The following PRKN variants were observed in gnomAD, a reference collection of about 807,000 sequenced individuals.
PRKN encodes the protein parkin RBR E3 ubiquitin protein ligase, also known as E3 ubiquitin-protein ligase parkin.
In PRKN, 56 loss-of-function variants were observed where a neutral mutation model predicts 59.5. The ratio of observed to expected loss-of-function variants is 0.94; its 90% CI spans 0.76 to 1.18. The LOEUF is 1.18. PRKN is among the 50% of genes most tolerant of loss of function. PRKN has a pLI of 0.00. For synonymous variants in PRKN, 250 were observed against 222.1 expected (o/e 1.13, Z -1.12); for missense variants, 657 against 596.4 (o/e 1.10, Z -1.06).
At chr6:162,305,701 T>A (rs372378382) in intron 2 of PRKN, among the ~76,000 whole-genome samples, 1 of 152,192 alleles carries the variant, frequency 6.6e-6, no homozygotes, top group Non-Finnish European at 1.5e-5. Flanking sequence ...CTAGTGTCTC[T>A]GTGTCACTAG....
intron 2 of PRKN, among the ~76,000 whole-genome samples, chr6:162,395,930 G>T (rs534698924): frequency 2.0e-5 from 3 of 152,188 alleles, no homozygotes; most frequent in Non-Finnish European, 2.9e-5. Context: ...CTAAGTTGTA[G>T]AACTCAGGCA....
Position 161,460,202 on chromosome 6 carries a change from C to T in PRKN, c.1084-73325G>A, listed in dbSNP as rs560998880. Among the ~76,000 whole-genome samples, 20 of 152,152 alleles carry T rather than the reference C, an allele frequency of 1.3e-4. No homozygotes were observed. In the South Asian group the frequency reaches 1.5e-3, roughly 11 times the overall value. Reference sequence around the variant, plus strand: ...CAAAGTTTATAATAGGAATATAATCCGTGTTATTTTAGGATGTCACAGAGG... The same window carrying T: ...CAAAGTTTATAATAGGAATATAATCTGTGTTATTTTAGGATGTCACAGAGG... On this transcript the variant is annotated intron_variant, in intron 9 of 11. Transcript: ENST00000366898. The surrounding 1 kb of genome is among the most constrained non-coding windows in gnomAD (Gnocchi z 5.0).
rs374030141 is a variant in PRKN at position 162,166,035 on chromosome 6, G to A, written c.534+35096C>T. On this transcript the variant is annotated intron_variant, in intron 4 of 11. Transcript: ENST00000366898. The stretch of plus-strand genomic sequence containing the variant: ...TGCACTCCAGCCTGGGCAACAGAGC[G>A]AGACTCTATCTCAAAAAAAAAAAAA... 1.2e-4 allele frequency among the ~76,000 whole-genome samples: 14 copies of A among 113,438 alleles called. No individual in the cohort carries two copies. The East Asian group carries it at 1.7e-3, about 14-fold the overall frequency. 74.4% of individuals were successfully genotyped at this position (113,438 alleles called of 152,430 possible).
intron 6 of PRKN, among the ~76,000 whole-genome samples, chr6:161,789,029 T>C (rs972149606): frequency 9.9e-5 from 15 of 152,200 alleles, no homozygotes. Flanking sequence ...ATAAAGACGG[T>C]GTATATGTGC....
chr6:161,998,549 C>G (rs1781930053), intron 5 of PRKN, among the ~76,000 whole-genome samples: 1 of 152,068 alleles, frequency 6.6e-6, no homozygotes, highest in Non-Finnish European at 1.5e-5. Flanking sequence ...GGCCAGGGCT[C>G]CATCCAGTTA....
At chr6:161,944,424 T>G (rs1779707298) in intron 6 of PRKN, among the ~76,000 whole-genome samples, 1 of 152,124 alleles carries the variant, frequency 6.6e-6, no homozygotes, top group African/African-American at 2.4e-5. Context: ...TAGAAGCTGC[T>G]TATTGCCTTG....
At chr6:161,663,437 G>A (rs892847224) in intron 7 of PRKN, among the ~76,000 whole-genome samples, 2 of 152,062 alleles carry the variant, frequency 1.3e-5, no homozygotes, top group South Asian at 2.1e-4. Context: ...ATTTTAGGAA[G>A]GTAATACAGA....
chr6:162,118,277 C>T (rs954374428), intron 4 of PRKN, among the ~76,000 whole-genome samples: 3 of 151,588 alleles, frequency 2.0e-5, no homozygotes, highest in East Asian at 1.9e-4. Flanking sequence ...TGGTGGCCAG[C>T]GCCAGTTGTC....
chr6:161,879,246 A>G lies in PRKN; in HGVS notation c.735-93338T>C, dbSNP rs528745861. The stretch of plus-strand genomic sequence containing the variant: ...GAAGGACTAAGAATATTGAGCTCAC[A>G]CTTTTACCCTCTAGGTAAATCAGCA... On this transcript the variant is annotated intron_variant, in intron 6 of 11. Coordinates refer to ENST00000366898, the MANE Select transcript of PRKN (RefSeq NM_004562.3). 3.3e-5 allele frequency among the ~76,000 whole-genome samples: 5 copies of G among 151,812 alleles called. No homozygotes were observed. In the South Asian group the frequency reaches 1.0e-3, roughly 32 times the overall value.
intron 6 of PRKN, among the ~76,000 whole-genome samples, chr6:161,945,640 C>T (rs1779750626): frequency 6.6e-6 from 1 of 152,168 alleles, no homozygotes; most frequent in Non-Finnish European, 1.5e-5. Context: ...TGCAGCTAAA[C>T]CAAACTGTGG....
At chr6:161,565,298 C>G (rs1780599277) in intron 8 of PRKN, among the ~76,000 whole-genome samples, 1 of 152,138 alleles carries the variant, frequency 6.6e-6, no homozygotes, top group Non-Finnish European at 1.5e-5. Context: ...GGATTGACCT[C>G]ACTCCAAATT....
intron 6 of PRKN, among the ~76,000 whole-genome samples, chr6:161,792,523 G>T (rs995775209): frequency 1.3e-5 from 2 of 152,204 alleles, no homozygotes; most frequent in Admixed American, 1.3e-4. Context: ...AAGAGCAGCA[G>T]CATCTGAAAT....
intron 1 of PRKN, among the ~76,000 whole-genome samples, chr6:162,638,409 G>A (rs185507023): frequency 9.1e-4 from 139 of 152,148 alleles, no homozygotes; most frequent in Middle Eastern, 3.4e-3. Flanking sequence ...CTGTCTCCCT[G>A]GTAACAGAAG....
intron 1 of PRKN, among the ~76,000 whole-genome samples, chr6:162,456,406 T>C (rs539106050): frequency 2.0e-5 from 3 of 152,256 alleles, no homozygotes; most frequent in African/African-American, 4.8e-5. Flanking sequence ...TTTAAGTGAT[T>C]TGTATACTAA....
intron 2 of PRKN, among the ~76,000 whole-genome samples, chr6:162,386,837 C>A (rs1192742583): frequency 2.0e-5 from 3 of 152,262 alleles, no homozygotes; most frequent in East Asian, 3.9e-4. Flanking sequence ...TCAATCTAAA[C>A]CTTTTTTGCA....
At position 162,622,310 on chromosome 6, in the gene PRKN, T is replaced by G. The variant is rs1032436752; in HGVS notation, c.7+105352A>C. ...AATTCTGTTTTTTTTTTTGTTTTGT[T>G]TTTTTTTGGTAGCAGAGTCTCGCTC... is the stretch of plus-strand genomic sequence containing the variant. On this transcript the variant is annotated intron_variant, in intron 1 of 11. Coordinates refer to ENST00000366898, the MANE Select transcript of PRKN (RefSeq NM_004562.3). Among the ~76,000 whole-genome samples the G allele has an allele frequency of 1.8e-4, 28 of 151,860 alleles. 1 individual carries two copies. The highest frequency in any genetic ancestry group is 1.5e-3 in the Admixed American group (23 of 15,250).
intron 1 of PRKN, among the ~76,000 whole-genome samples, chr6:162,505,499 G>A (rs935340237): frequency 6.6e-6 from 1 of 152,130 alleles, no homozygotes; most frequent in South Asian, 2.1e-4. Flanking sequence ...GCAGTGGGAC[G>A]CAGCAATCCG....
At position 161,386,730 on chromosome 6, in the gene PRKN, A is replaced by G. The variant is rs551388732; in HGVS notation, c.1167+64T>C. ...ATGGAACTCTCCATGACCTCCAGGA[A>G]ACGGCTCCAGTCCCCCACTGTATCC... On this transcript the variant is annotated intron_variant, in intron 10 of 11. Transcript: ENST00000366898. The surrounding 1 kb of genome is among the most constrained non-coding windows in gnomAD (Gnocchi z 4.3). 1.6e-6 allele frequency: 2 copies of G among 1,256,460 alleles called. No individual in the cohort carries two copies. The highest frequency in any genetic ancestry group is 2.3e-6 in the Non-Finnish European group (2 of 853,800). The allele number at this position is 1,256,460 out of a possible 1,614,324, so 77.8% of individuals were successfully genotyped here.
At chr6:162,502,670 A>C (rs962270577) in intron 1 of PRKN, among the ~76,000 whole-genome samples, 1 of 152,188 alleles carries the variant, frequency 6.6e-6, no homozygotes, top group African/African-American at 2.4e-5. Context: ...AAAATGAAAA[A>C]CTGACTTTAA....
Sources: gnomAD v4.1 joint callset for allele counts (sites outside exome capture counted in the v4.1 genomes callset) on GRCh38, gnomAD v4.1.1 for gene constraint, Gnocchi (gnomAD v3.1) non-coding constraint, MANE v1.5 for transcripts, NCBI Gene and HGNC (gene_info 2026-07-23, HGNC 2026-07-21) for gene names.